DISC1: variants seen among roughly 807,000 people sequenced by gnomAD.
DISC1 encodes the protein disrupted in schizophrenia 1 protein.
In DISC1, 57 loss-of-function variants were observed where a neutral mutation model predicts 84.5. The observed-to-expected ratio is 0.67, with a 90% CI of 0.55 to 0.84. The LOEUF (loss-of-function observed/expected upper bound fraction) is 0.84, where lower values mean the gene tolerates loss of function less well. Ranked by LOEUF, DISC1 falls within the 40% of genes least tolerant of loss-of-function variation. The pLI is 0.00. For synonymous variants in DISC1, 411 were observed against 415.2 expected, an observed-to-expected ratio of 0.99 and a Z score of 0.12; for missense variants, 1,000 against 1,057.8, an observed-to-expected ratio of 0.95 and a Z score of 0.76.
intron 10 of DISC1, among the ~76,000 whole-genome samples, chr1:232,000,139 G>C (rs902561028): frequency 2.8e-4 from 42 of 152,166 alleles, no homozygotes; most frequent in Non-Finnish European, 5.7e-4. Flanking sequence ...CCAGCGGGGA[G>C]ATGAATCAGA....
intron 1 of DISC1, among the ~76,000 whole-genome samples, chr1:231,628,686 A>G (rs1415042542): frequency 6.6e-6 from 1 of 152,202 alleles, no homozygotes; most frequent in African/African-American, 2.4e-5. Context: ...CCGCTTGCCA[A>G]ACTGAACTTA....
chr1:231,997,693 T>C (rs1666133042), intron 10 of DISC1, among the ~76,000 whole-genome samples: 1 of 151,690 alleles, frequency 6.6e-6, no homozygotes, highest in Non-Finnish European at 1.5e-5. Flanking sequence ...CCCCAAGGGG[T>C]AGGTAATTAC....
At chr1:231,754,618 C>T (rs566442411) in intron 4 of DISC1, among the ~76,000 whole-genome samples, 8 of 152,242 alleles carry the variant, frequency 5.3e-5, no homozygotes, top group East Asian at 1.9e-4. Context: ...TGGGTGGGGA[C>T]GCAGATCCAA....
chr1:231,897,399 G>A lies in DISC1; in HGVS notation c.1982-61429G>A, dbSNP rs2087785009. ...TCTCCTCTCTGGGTTACAGTGGCAG[G>A]TTGTTTTATCTTCCCCTGATGAATT... On this transcript the variant is annotated intron_variant, in intron 9 of 12. Coordinates refer to ENST00000439617, the MANE Select transcript of DISC1 (RefSeq NM_018662.3). The surrounding 1 kb of genome is among the most constrained non-coding windows in gnomAD (Gnocchi z 4.5). Among the ~76,000 whole-genome samples, 1 of 152,138 alleles carries A rather than the reference G, an allele frequency of 6.6e-6. No homozygotes were observed. Among genetic ancestry groups the A allele is most frequent in the Non-Finnish European group, 1.5e-5 (1 of 68,030 alleles).
At chr1:231,953,742 A>G (rs1167356496) in intron 9 of DISC1, among the ~76,000 whole-genome samples, 17 of 152,140 alleles carry the variant, frequency 1.1e-4, no homozygotes, top group Non-Finnish European at 1.5e-5. Context: ...AATTCCAATA[A>G]CGTGGCTAAT....
intron 3 of DISC1, among the ~76,000 whole-genome samples, chr1:231,739,287 C>T (rs2072939960): frequency 6.6e-6 from 1 of 152,190 alleles, no homozygotes; most frequent in Non-Finnish European, 1.5e-5. Flanking sequence ...GAACATTCTC[C>T]AATAATCAGG....
chr1:231,882,248 T>A (rs1394725573), intron 9 of DISC1, among the ~76,000 whole-genome samples: 1 of 152,086 alleles, frequency 6.6e-6, no homozygotes, highest in Non-Finnish European at 1.5e-5. Flanking sequence ...GAAGAGATAA[T>A]CTCTAAATAT....
At chr1:231,724,260 A>T (rs535789901) in intron 3 of DISC1, among the ~76,000 whole-genome samples, 1 of 151,634 alleles carries the variant, frequency 6.6e-6, no homozygotes, top group East Asian at 2.0e-4. Context: ...TTGGGGACCT[A>T]GAAGTTCCGG....
intron 9 of DISC1, among the ~76,000 whole-genome samples, chr1:231,877,587 G>A (rs537474817): frequency 1.6e-4 from 24 of 152,264 alleles, no homozygotes; most frequent in African/African-American, 5.3e-4. Flanking sequence ...AGCTTTCAAC[G>A]CAATACTTGA....
At chr1:231,920,223 T>C (rs999585163) in intron 9 of DISC1, among the ~76,000 whole-genome samples, 8 of 152,234 alleles carry the variant, frequency 5.3e-5, no homozygotes, top group African/African-American at 1.9e-4. Context: ...AGATAAACCA[T>C]ACAAATTGTT....
At chr1:231,896,133 C>T (rs957177762) in intron 9 of DISC1, among the ~76,000 whole-genome samples, 3 of 152,130 alleles carry the variant, frequency 2.0e-5, no homozygotes, top group African/African-American at 7.2e-5. Context: ...GATGGCTGTT[C>T]ATAGCCGACT....
At chr1:231,953,533 C>A (rs1015392468) in intron 9 of DISC1, among the ~76,000 whole-genome samples, 1 of 152,184 alleles carries the variant, frequency 6.6e-6, no homozygotes, top group African/African-American at 2.4e-5. Context: ...TCGAAGACAG[C>A]ATAATACCTT....
chr1:231,896,285 G>A (rs888445675), intron 9 of DISC1, among the ~76,000 whole-genome samples: 4 of 152,080 alleles, frequency 2.6e-5, no homozygotes, highest in Admixed American at 6.6e-5. Flanking sequence ...TGGGGTCCGG[G>A]GCAGGCTTTT....
intron 1 of DISC1, among the ~76,000 whole-genome samples, chr1:231,661,882 C>CTTG (rs2061592090): frequency 6.6e-6 from 1 of 152,158 alleles, no homozygotes; most frequent in African/African-American, 2.4e-5. Flanking sequence ...GGCTTATCTA[C>CTTG]CTTCAATCTT....
rs188898371 is a variant in DISC1 at position 231,747,013 on chromosome 1, C to T, written c.1118-2913C>T. On this transcript the variant is annotated intron_variant, in intron 3 of 12. Transcript: ENST00000439617. ...GCATGATCACAGATCACTGCAGCCT[C>T]GACTTCCCCAGACTCAGGTGATCCT... Among the ~76,000 whole-genome samples, 40 of 152,274 alleles carry T rather than the reference C, an allele frequency of 2.6e-4. No homozygotes were observed. The East Asian group carries it at 6.6e-3, about 25-fold the overall frequency.
chr1:231,794,493 A>G (rs115406090), intron 6 of DISC1, among the ~76,000 whole-genome samples: 2 of 152,198 alleles, frequency 1.3e-5, no homozygotes, highest in African/African-American at 2.4e-5. Context: ...TTTCTTCTCT[A>G]CTAGGTAACA....
chr1:231,782,303 A>G (rs1236573949), intron 6 of DISC1, among the ~76,000 whole-genome samples: 1 of 152,046 alleles, frequency 6.6e-6, no homozygotes, highest in Non-Finnish European at 1.5e-5. Context: ...TGCCTTTCTT[A>G]TCCAATAAAG....
At chr1:231,691,821 C>G (rs201725755) in intron 1 of DISC1, among the ~76,000 whole-genome samples, 17 of 152,220 alleles carry the variant, frequency 1.1e-4, no homozygotes, top group Non-Finnish European at 1.5e-4. Context: ...CTCCTAACGC[C>G]TGGCCACCCT....
chr1:231,775,957 A>G (rs1319943928), intron 6 of DISC1, among the ~76,000 whole-genome samples: 1 of 151,942 alleles, frequency 6.6e-6, no homozygotes. Context: ...AAGATGGGGG[A>G]CACAGGGAGG....
Sources: gnomAD v4.1 joint callset for allele counts (sites outside exome capture counted in the v4.1 genomes callset) on GRCh38, gnomAD v4.1.1 for gene constraint, Gnocchi (gnomAD v3.1) non-coding constraint, MANE v1.5 for transcripts, NCBI Gene and HGNC (gene_info 2026-07-23, HGNC 2026-07-21) for gene names.